Variants in RABEP1 observed in about 807,000 individuals in gnomAD.
RABEP1 encodes rabaptin, RAB GTPase binding effector protein 1.
A neutral mutation model predicts 123.4 loss-of-function variants in RABEP1; 51 were observed. That is an observed-to-expected ratio of 0.41 (90% CI 0.33 to 0.52). RABEP1 has a LOEUF of 0.52. Among genes scored for constraint, RABEP1 ranks in the 20% least tolerant of loss-of-function variants. The probability of loss-of-function intolerance (pLI) is 0.16; values close to 1 mark genes in which losing one functional copy is unlikely to be tolerated. For missense variants in RABEP1, 888 were observed against 996.3 expected (o/e 0.89, Z 1.46); for synonymous variants, 347 against 355.2 (o/e 0.98, Z 0.26).
At chr17:5,308,875 TGA>T in intron 2 of RABEP1, 53 bp downstream of exon 2, 2 of 1,477,912 alleles carry the variant, frequency 1.4e-6, no homozygotes, top group South Asian at 1.3e-5. Flanking sequence ...CTTAAAGTGT[TGA>T]GTTTCTTGGT....
intron 1 of RABEP1, among the ~76,000 whole-genome samples, chr17:5,288,193 T>C (rs1054907862): frequency 1.3e-5 from 2 of 151,930 alleles, no homozygotes; most frequent in East Asian, 1.9e-4. Context: ...TTTGATGAAG[T>C]AGTCCTGGAG....
intron 1 of RABEP1, among the ~76,000 whole-genome samples, chr17:5,296,677 A>G (rs2075086843): frequency 6.6e-6 from 1 of 152,224 alleles, no homozygotes; most frequent in Non-Finnish European, 1.5e-5. Flanking sequence ...GATAGAATTT[A>G]TGTTCTCTTT....
intron 1 of RABEP1, among the ~76,000 whole-genome samples, chr17:5,286,515 T>C (rs2074979622): frequency 6.6e-6 from 1 of 151,932 alleles, no homozygotes; most frequent in Non-Finnish European, 1.5e-5. Context: ...AGTTGTATTG[T>C]TCAATTAACA....
intron 1 of RABEP1, among the ~76,000 whole-genome samples, chr17:5,284,851 TAA>T (rs11417038): frequency 2.1e-5 from 3 of 144,054 alleles, no homozygotes. Context: ...TCCTGCTGAT[TAA>T]AAAAAAAAAA....
intron 2 of RABEP1, among the ~76,000 whole-genome samples, chr17:5,311,707 A>C (rs2075243510): frequency 2.0e-5 from 3 of 151,138 alleles, no homozygotes; most frequent in Non-Finnish European, 3.0e-5. Context: ...CAAAAAAAAA[A>C]AAAAAAAAAA....
intron 2 of RABEP1, among the ~76,000 whole-genome samples, chr17:5,315,549 G>A (rs2075286971): frequency 6.6e-6 from 1 of 152,040 alleles, no homozygotes; most frequent in Non-Finnish European, 1.5e-5. Flanking sequence ...TACCAAACAG[G>A]AAAAATAATA....
chr17:5,351,017 G>A (rs1908497453), intron 7 of RABEP1, among the ~76,000 whole-genome samples: 1 of 152,112 alleles, frequency 6.6e-6, no homozygotes, highest in Non-Finnish European at 1.5e-5. Flanking sequence ...AAAACATTAT[G>A]AGATTTTTTT....
chr17:5,374,414 CCTT>C (rs1291886294), intron 13 of RABEP1, among the ~76,000 whole-genome samples: 1 of 151,772 alleles, frequency 6.6e-6, no homozygotes, highest in Non-Finnish European at 1.5e-5. Flanking sequence ...ATAATTCTCT[CCTT>C]AACTTTATCC....
intron 2 of RABEP1, among the ~76,000 whole-genome samples, chr17:5,319,729 A>G (rs533256690): frequency 6.6e-6 from 1 of 152,276 alleles, no homozygotes; most frequent in East Asian, 1.9e-4. Flanking sequence ...AGAACTGATA[A>G]ATAGATTTTC....
At chr17:5,354,720 C>T (rs1908869996) in intron 8 of RABEP1, among the ~76,000 whole-genome samples, 1 of 152,088 alleles carries the variant, frequency 6.6e-6, no homozygotes, top group African/African-American at 2.4e-5. Flanking sequence ...TTCTTTTTTC[C>T]AGTATTTCCA....
At chr17:5,320,459 C>G (rs2075344403) in intron 2 of RABEP1, among the ~76,000 whole-genome samples, 1 of 128,506 alleles carries the variant, frequency 7.8e-6, no homozygotes, top group African/African-American at 2.9e-5. Flanking sequence ...AAGAAACACA[C>G]TGGTAAAATT....
intron 16 of RABEP1, among the ~76,000 whole-genome samples, chr17:5,380,998 G>A (rs1911403178): frequency 6.6e-6 from 1 of 152,160 alleles, no homozygotes; most frequent in African/African-American, 2.4e-5. Flanking sequence ...GGATAGCTGG[G>A]GCGTATTCAC....
At chr17:5,357,006 T>C (rs1293958929) in intron 8 of RABEP1, among the ~76,000 whole-genome samples, 1 of 151,986 alleles carries the variant, frequency 6.6e-6, no homozygotes, top group Non-Finnish European at 1.5e-5. Context: ...GCCTCCTGAG[T>C]AGCTGGGATT....
At chr17:5,290,716 T>C (rs947095102) in intron 1 of RABEP1, among the ~76,000 whole-genome samples, 4 of 152,134 alleles carry the variant, frequency 2.6e-5, no homozygotes, top group Admixed American at 6.6e-5. Flanking sequence ...TCTCAGCCTT[T>C]GGAGTAGCTG....
rs749241050 is a variant in RABEP1 at position 5,335,296 on chromosome 17, G to C, written c.480G>C (p.Arg160Ser). 3.1e-6 allele frequency: 5 copies of C among 1,613,772 alleles called. No homozygotes were observed. The highest frequency in any genetic ancestry group is 3.4e-6 in the Non-Finnish European group (4 of 1,179,904). ...GGGAAATAGCTGATTTAAGAAGAAGGCTGTCTGAAGGTCAAGAGGAGGAAA... is the reference window on the plus strand; with the variant it reads ...GGGAAATAGCTGATTTAAGAAGAAGCCTGTCTGAAGGTCAAGAGGAGGAAA... ...AEREIADLRR[R>S]LSEGQEEENL... The change falls in exon 4 of 18, where the codon AGG becomes AGC. Residue 160 changes from arginine (R) to serine (S), a missense_variant. Arg to Ser is a moderately radical substitution (Grantham distance 110, BLOSUM62 -1). Coordinates refer to ENST00000537505, the MANE Select transcript of RABEP1 (RefSeq NM_004703.6).
At chr17:5,327,585 G>A (rs1640843983) in intron 2 of RABEP1, among the ~76,000 whole-genome samples, 1 of 152,158 alleles carries the variant, frequency 6.6e-6, no homozygotes, top group Admixed American at 6.5e-5. Flanking sequence ...TATATGGAGT[G>A]CATATGGATG....
intron 2 of RABEP1, among the ~76,000 whole-genome samples, chr17:5,315,706 G>T (rs561528325): frequency 6.6e-6 from 1 of 152,212 alleles, no homozygotes; most frequent in African/African-American, 2.4e-5. Context: ...CAAAAAACTA[G>T]CCGAGCATGG....
chr17:5,298,318 A>G (rs766062443), intron 1 of RABEP1, among the ~76,000 whole-genome samples: 1 of 152,192 alleles, frequency 6.6e-6, no homozygotes, highest in Non-Finnish European at 1.5e-5. Flanking sequence ...AAGAGTATAT[A>G]TAGGGAATTT....
intron 1 of RABEP1, among the ~76,000 whole-genome samples, chr17:5,305,720 A>G (rs1426321690): frequency 6.6e-6 from 1 of 152,208 alleles, no homozygotes; most frequent in Non-Finnish European, 1.5e-5. Context: ...AAAGTTGTTT[A>G]ACTTATTAAA....
Sources: allele counts gnomAD v4.1 joint callset (sites outside exome capture counted in the v4.1 genomes callset), GRCh38; gene constraint gnomAD v4.1.1; transcripts MANE v1.5; gene names NCBI Gene and HGNC (gene_info 2026-07-23, HGNC 2026-07-21).